SPTLC1: variants seen among roughly 807,000 people sequenced by gnomAD.
SPTLC1 encodes the protein serine palmitoyltransferase long chain base subunit 1, also known as serine palmitoyltransferase 1.
A neutral mutation model predicts 68.9 loss-of-function variants in SPTLC1; 55 were observed. The ratio of observed to expected loss-of-function variants is 0.80; its 90% CI spans 0.64 to 1.00. The LOEUF is 1.00. Among genes scored for constraint, SPTLC1 ranks in the 50% least tolerant of loss-of-function variants. The pLI is 0.00. For missense variants in SPTLC1, 449 were observed against 573.1 expected (o/e 0.78, Z 2.21); for synonymous variants, 197 against 201.6 (o/e 0.98, Z 0.19).
At chr9:92,055,171 A>G in intron 8 of SPTLC1, 26 of 918,782 alleles carry the variant, frequency 2.8e-5, no homozygotes, top group Non-Finnish European at 3.4e-5. Flanking sequence ...GGCTGCAGTG[A>G]GCTGTGTTCA....
chr9:92,031,455 C>A lies in SPTLC1; in HGVS notation c.*1010G>T, dbSNP rs1039989624. 6.6e-6 allele frequency: 1 copy of A among 152,148 alleles called. No homozygotes were observed. Among genetic ancestry groups the A allele is most frequent in the Non-Finnish European group, 1.5e-5 (1 of 67,988 alleles). The allele number at this position is 152,148 out of a possible 1,614,324, so 9.4% of individuals were successfully genotyped here. On this transcript the variant is annotated 3_prime_UTR_variant, in exon 15 of 15. Transcript: ENST00000262554. Reference sequence around the variant, plus strand: ...TATAACAAACCTTTACACCACATAACCTGGTTTGCTAAAGAAAAAACAGGT... The same window carrying A: ...TATAACAAACCTTTACACCACATAAACTGGTTTGCTAAAGAAAAAACAGGT...
intron 5 of SPTLC1, chr9:92,079,813 C>T (rs1834815483): frequency 1.8e-5 from 12 of 657,668 alleles, no homozygotes; most frequent in South Asian, 1.2e-4. Context: ...GCCCACCATG[C>T]CCGGCTAATT....
rs1438529411 is a variant in SPTLC1, at chr9:92,104,563, G to A, written c.260+4177C>T. The stretch of plus-strand genomic sequence containing the variant: ...GGATGTTTGGACACCTCAGCCCCGT[G>A]AGGATCTCTTGTCTCAGAGGCAAGT... On this transcript the variant is annotated intron_variant, in intron 3 of 14. Transcript: ENST00000262554. 1.2e-5 allele frequency: 18 copies of A among 1,470,590 alleles called. No individual in the cohort carries two copies. In the Admixed American group the frequency reaches 3.3e-4, roughly 27 times the overall value. The allele number at this position is 1,470,590 out of a possible 1,614,324, so 91.1% of individuals were successfully genotyped here. A position where few individuals can be genotyped will look rare whatever the true frequency, so the allele number is the denominator to read the frequency against.
At chr9:92,051,234 T>C (rs1184839344) in intron 8 of SPTLC1, 2 of 983,562 alleles carry the variant, frequency 2.0e-6, no homozygotes, top group Non-Finnish European at 2.4e-6. Flanking sequence ...AAACAACATA[T>C]GGAACCCTTA....
intron 3 of SPTLC1, among the ~76,000 whole-genome samples, chr9:92,086,462 T>C (rs1003870410): frequency 6.6e-6 from 1 of 152,194 alleles, no homozygotes; most frequent in African/African-American, 2.4e-5. Context: ...TCTCAGCATT[T>C]GCTTGTCTGT....
At chr9:92,041,763 T>C (rs1480385724) in intron 12 of SPTLC1, among the ~76,000 whole-genome samples, 2 of 152,218 alleles carry the variant, frequency 1.3e-5, no homozygotes, top group African/African-American at 4.8e-5. Context: ...TAGAAAAAGA[T>C]ATTATAATGA....
intron 9 of SPTLC1, among the ~76,000 whole-genome samples, chr9:92,049,559 C>T (rs955803932): frequency 6.6e-6 from 1 of 152,150 alleles, no homozygotes; most frequent in Non-Finnish European, 1.5e-5. Flanking sequence ...ATATAGAATA[C>T]AGATTTTTAA....
rs1832993294 is a variant in SPTLC1 at position 92,032,433 on chromosome 9, T to C, written c.*32A>G. On this transcript the variant is annotated 3_prime_UTR_variant, in exon 15 of 15. Coordinates refer to ENST00000262554, the MANE Select transcript of SPTLC1 (RefSeq NM_006415.4). ...AGTCTTGAGTCCTCTCTGCGTGTTG[T>C]GTGGCAGGAGGCCATGGTCCCGGGA... 6.2e-7 allele frequency: 1 copy of C among 1,613,966 alleles called. No homozygotes were observed. Among genetic ancestry groups the C allele is most frequent in the African/African-American group, 1.3e-5 (1 of 74,910 alleles).
At chr9:92,104,923 T>G (rs949051823) in intron 3 of SPTLC1, 2 of 1,534,334 alleles carry the variant, frequency 1.3e-6, no homozygotes, top group African/African-American at 2.7e-5. Flanking sequence ...GAGTCGCCAG[T>G]TCACACAGCC....
rs1448861139 is a variant in SPTLC1 at position 92,032,214 on chromosome 9, AT to A, written c.*250del. Reference sequence around the variant, plus strand: ...ATAGTACTAAATGCACAATTTAAACATCAGTTATACACTGTCATTAGTTTTC... The same window carrying A: ...ATAGTACTAAATGCACAATTTAAACACAGTTATACACTGTCATTAGTTTTC... On this transcript the variant is annotated 3_prime_UTR_variant, in exon 15 of 15. Transcript: ENST00000262554. The A allele has an allele frequency of 1.5e-6, 2 of 1,335,270 alleles. No homozygotes were observed. The highest frequency in any genetic ancestry group is 5.1e-5 in the Admixed American group (2 of 39,126). The allele number at this position is 1,335,270 out of a possible 1,614,324, so 82.7% of individuals were successfully genotyped here.
At chr9:92,080,724 G>C (rs1042517843) in intron 4 of SPTLC1, 146 bp downstream of exon 4, 3 of 694,864 alleles carry the variant, frequency 4.3e-6, no homozygotes, top group Non-Finnish European at 7.8e-6. Context: ...TTTTTTGGTA[G>C]AGATGGGGTT....
chr9:92,098,989 C>T (rs947375548), intron 3 of SPTLC1, among the ~76,000 whole-genome samples: 1 of 152,128 alleles, frequency 6.6e-6, no homozygotes, highest in African/African-American at 2.4e-5. Flanking sequence ...CACTGTAGAA[C>T]CAATCAAGTA....
rs563238313 is a variant in SPTLC1, at chr9:92,083,878, G to C, written c.261-2915C>G. On this transcript the variant is annotated intron_variant, in intron 3 of 14. Coordinates refer to ENST00000262554, the MANE Select transcript of SPTLC1 (RefSeq NM_006415.4). ...TTGATTCTTCCTACCCATGAGCATG[G>C]AATGTTCTTCCATTTGTTTGTATCC... Among the ~76,000 whole-genome samples the C allele has an allele frequency of 4.3e-4, 66 of 152,296 alleles. 1 individual carries two copies. Among genetic ancestry groups the C allele is most frequent in the Middle Eastern group, 6.8e-3 (2 of 294 alleles).
intron 3 of SPTLC1, among the ~76,000 whole-genome samples, chr9:92,098,643 TAAAAC>T (rs912785255): frequency 1.1e-4 from 17 of 151,758 alleles, no homozygotes; most frequent in East Asian, 7.7e-4. Context: ...ATAAAACTGA[TAAAAC>T]AATCAGTACA....
intron 3 of SPTLC1, among the ~76,000 whole-genome samples, chr9:92,082,481 C>T (rs1405363945): frequency 1.4e-5 from 2 of 147,904 alleles, no homozygotes; most frequent in East Asian, 2.0e-4. Flanking sequence ...TGAGTGAGAA[C>T]ATGCGGTGTT....
chr9:92,073,073 A>G (rs1037486201), intron 5 of SPTLC1, among the ~76,000 whole-genome samples: 50 of 151,916 alleles, frequency 3.3e-4, no homozygotes, highest in African/African-American at 1.2e-3. Flanking sequence ...CTGGCTTACA[A>G]TTTGACCCTG....
intron 6 of SPTLC1, among the ~76,000 whole-genome samples, chr9:92,059,777 T>G (rs369745308): frequency 1.3e-5 from 2 of 151,856 alleles, no homozygotes; most frequent in African/African-American, 4.8e-5. Flanking sequence ...CAGAAAAAAA[T>G]GAGGGGTACC....
intron 3 of SPTLC1, among the ~76,000 whole-genome samples, chr9:92,098,375 C>A (rs1835618885): frequency 6.6e-6 from 1 of 152,020 alleles, no homozygotes; most frequent in Admixed American, 6.6e-5. Context: ...ACTTCCCTGG[C>A]CCTCCCCCTG....
chr9:92,075,155 G>C (rs1209967080), intron 5 of SPTLC1, among the ~76,000 whole-genome samples: 4 of 151,980 alleles, frequency 2.6e-5, no homozygotes, highest in Non-Finnish European at 5.9e-5. Flanking sequence ...CTACTCCAAG[G>C]GGTACAGAGT....
Sources: allele counts gnomAD v4.1 joint callset (sites outside exome capture counted in the v4.1 genomes callset), GRCh38; gene constraint gnomAD v4.1.1; transcripts MANE v1.5; gene names NCBI Gene and HGNC (gene_info 2026-07-23, HGNC 2026-07-21).